Variants in NDP observed in about 807,000 individuals in gnomAD.
NDP encodes norrin.
Under a neutral mutation model 8.4 loss-of-function variants are expected in NDP, and 2 were observed. That is an observed-to-expected ratio of 0.24 (90% confidence interval 0.10 to 0.75). The LOEUF (loss-of-function observed/expected upper bound fraction) is 0.75, where lower values mean the gene tolerates loss of function less well. NDP is among the 30% of genes least tolerant of loss of function. The pLI is 0.73. For synonymous variants in NDP, 55 were observed against 45.6 expected, an observed-to-expected ratio of 1.21 and a Z score of -0.83; for missense variants, 81 against 110.1, an observed-to-expected ratio of 0.74 and a Z score of 1.18.
intron 1 of NDP, among the ~76,000 whole-genome samples, chrX:43,964,223 T>C (rs774577116): frequency 3.6e-5 from 4 of 111,456 alleles, no homozygotes; most frequent in Non-Finnish European, 7.5e-5. Context: ...ACTAGCCAAG[T>C]GTAGCCAAGC....
chrX:43,967,036 G>C (rs1386499871), intron 1 of NDP, among the ~76,000 whole-genome samples: 1 of 111,441 alleles, frequency 9.0e-6, no homozygotes, highest in Non-Finnish European at 1.9e-5. Context: ...TGTCAAAGGG[G>C]CAAGGTTCTC....
rs770850837 is a variant in NDP at position 43,971,454 on chromosome X, A to C, written c.-208+1850T>G. Among the ~76,000 whole-genome samples, 8 of 111,396 alleles carry C rather than the reference A, an allele frequency of 7.2e-5. No individual in the cohort carries two copies. In the South Asian group the frequency reaches 3.0e-3, roughly 42 times the overall value. ...ATTTTTCCCTTGACAGTGTCATTGG[A>C]ACTCGAATTAAGATTGAAAACTCCA... On this transcript the variant is annotated intron_variant, in intron 1 of 2. Coordinates refer to ENST00000642620, the MANE Select transcript of NDP (RefSeq NM_000266.4).
intron 1 of NDP, among the ~76,000 whole-genome samples, chrX:43,972,391 G>C (rs867747536): frequency 1.8e-5 from 2 of 110,377 alleles, no homozygotes; most frequent in Non-Finnish European, 3.8e-5. Flanking sequence ...TTATGCCCAG[G>C]CCTCCTACAG....
chrX:43,970,208 G>A (rs1263547894), intron 1 of NDP, among the ~76,000 whole-genome samples: 3 of 111,951 alleles, frequency 2.7e-5, no homozygotes, highest in Non-Finnish European at 3.8e-5. Flanking sequence ...AGGCCCTGGA[G>A]CTCACCCACC....
chrX:43,952,538 C>T (rs1218689654), intron 2 of NDP, among the ~76,000 whole-genome samples: 1 of 111,965 alleles, frequency 8.9e-6, no homozygotes, highest in East Asian at 2.8e-4. Flanking sequence ...CAAACGTAGG[C>T]CTAACTGACT....
rs990859747 is a variant in NDP at position 43,949,652 on chromosome X, G to T, written c.*147C>A. The T allele has an allele frequency of 7.5e-6, 4 of 535,254 alleles. No individual in the cohort carries two copies. The highest frequency in any genetic ancestry group is 1.3e-5 in the Non-Finnish European group (4 of 312,559). The allele number at this position is 535,254 out of a possible 1,213,427, so 44.1% of individuals were successfully genotyped here. On this transcript the variant is annotated 3_prime_UTR_variant, in exon 3 of 3. Transcript: ENST00000642620. Reference sequence around the variant, plus strand: ...AGTATCTCTCTCTGTCAACAAGCATGTAGAGTCTTTATTACTAGAATATGC... The same window carrying T: ...AGTATCTCTCTCTGTCAACAAGCATTTAGAGTCTTTATTACTAGAATATGC...
At chrX:43,965,501 C>T (rs967606386) in intron 1 of NDP, among the ~76,000 whole-genome samples, 3 of 111,564 alleles carry the variant, frequency 2.7e-5, no homozygotes, top group African/African-American at 9.8e-5. Flanking sequence ...TACTATTTCT[C>T]TTAAAACTGT....
intron 1 of NDP, among the ~76,000 whole-genome samples, chrX:43,970,474 G>A (rs2035885462): frequency 8.9e-6 from 1 of 111,826 alleles, no homozygotes; most frequent in African/African-American, 3.3e-5. Context: ...ATTATCTGCT[G>A]ATAAGGACCA....
chrX:43,960,329 C>CATCT (rs1299829426), intron 1 of NDP, among the ~76,000 whole-genome samples: 3 of 111,555 alleles, frequency 2.7e-5, no homozygotes, highest in Non-Finnish European at 5.6e-5. Flanking sequence ...ACAGAGATGG[C>CATCT]ATCTGCTGTC....
chrX:43,969,374 G>C (rs916874535), intron 1 of NDP: 2 of 111,776 alleles, frequency 1.8e-5, no homozygotes, highest in Non-Finnish European at 3.8e-5. Context: ...AGGGGGCAGG[G>C]AAGGGGCCAA....
intron 1 of NDP, among the ~76,000 whole-genome samples, chrX:43,969,792 G>A (rs2035881508): frequency 1.8e-5 from 2 of 111,936 alleles, no homozygotes; most frequent in Admixed American, 9.5e-5. Context: ...AGAGCAAAGA[G>A]CCAGCTGACA....
intron 1 of NDP, chrX:43,960,895 G>A (rs990892872): frequency 8.9e-6 from 1 of 112,297 alleles, no homozygotes; most frequent in African/African-American, 3.2e-5. Flanking sequence ...TGGCCAGGAG[G>A]TATGGTTAAA....
chrX:43,951,868 C>G (rs1380694053), intron 2 of NDP, among the ~76,000 whole-genome samples: 1 of 111,944 alleles, frequency 8.9e-6, no homozygotes, highest in Non-Finnish European at 1.9e-5. Context: ...ATCGCAGAGG[C>G]AGAGAGAAAA....
intron 2 of NDP, 77 bp downstream of exon 2, chrX:43,958,394 TC>T: frequency 9.0e-7 from 1 of 1,114,402 alleles, no homozygotes; most frequent in Non-Finnish European, 1.2e-6. Context: ...ATCTTAGTTC[TC>T]CATCCCCTGA....
intron 2 of NDP, among the ~76,000 whole-genome samples, chrX:43,956,590 A>C (rs2035794260): frequency 8.9e-6 from 1 of 111,985 alleles, no homozygotes; most frequent in African/African-American, 3.2e-5. Flanking sequence ...ATACATAGAG[A>C]AAAATCTAAC....
chrX:43,961,192 G>C (rs771579913), intron 1 of NDP, among the ~76,000 whole-genome samples: 1 of 112,621 alleles, frequency 8.9e-6, no homozygotes, highest in African/African-American at 3.2e-5. Context: ...AAGGCTGTGG[G>C]AAAACAAGTC....
intron 1 of NDP, among the ~76,000 whole-genome samples, chrX:43,966,036 T>A (rs2035856191): frequency 8.9e-6 from 1 of 112,209 alleles, no homozygotes; most frequent in Admixed American, 9.4e-5. Flanking sequence ...ACAGTTGACA[T>A]AACTAATTGA....
At chrX:43,962,127 C>T (rs1392311050) in intron 1 of NDP, among the ~76,000 whole-genome samples, 2 of 111,609 alleles carry the variant, frequency 1.8e-5, no homozygotes, top group African/African-American at 3.3e-5. Context: ...TTTCAACACA[C>T]TCAGAAAACG....
rs1302508286 is a variant in NDP, at chrX:43,948,915, A to G, written c.*884T>C. 1.8e-5 allele frequency: 2 copies of G among 112,145 alleles called. No homozygotes were observed. The highest frequency in any genetic ancestry group is 3.2e-5 in the African/African-American group (1 of 30,851). 9.2% of individuals were successfully genotyped at this position (112,145 alleles called of 1,213,427 possible). The stretch of plus-strand genomic sequence containing the variant: ...CAACATGTTTCACATGGACAAGTGG[A>G]TATTAGAGAATGATGCCCGTGACAC... On this transcript the variant is annotated 3_prime_UTR_variant, in exon 3 of 3. Coordinates refer to ENST00000642620, the MANE Select transcript of NDP (RefSeq NM_000266.4).
Sources: gnomAD v4.1 joint callset for allele counts (sites outside exome capture counted in the v4.1 genomes callset) on GRCh38, gnomAD v4.1.1 for gene constraint, MANE v1.5 for transcripts, NCBI Gene and HGNC (gene_info 2026-07-23, HGNC 2026-07-21) for gene names.